The following STXBP4 variants were observed in gnomAD, a reference collection of about 807,000 sequenced individuals.
The protein encoded by STXBP4 is syntaxin binding protein 4.
Under a neutral mutation model 76.1 loss-of-function variants are expected in STXBP4, and 55 were observed. The observed-to-expected ratio is 0.72, with a 90% CI of 0.58 to 0.91. STXBP4 has a LOEUF of 0.91. Among genes scored for constraint, STXBP4 ranks in the 40% least tolerant of loss-of-function variants. The probability of loss-of-function intolerance (pLI) is 0.00; values close to 1 mark genes in which losing one functional copy is unlikely to be tolerated. For synonymous variants in STXBP4, 201 were observed against 220.2 expected (o/e 0.91, Z 0.77); for missense variants, 618 against 636.9 (o/e 0.97, Z 0.32).
intron 16 of STXBP4, among the ~76,000 whole-genome samples, chr17:55,083,096 C>T (rs1326645916): frequency 6.6e-6 from 1 of 151,884 alleles, no homozygotes. Flanking sequence ...GGTGTCTCAG[C>T]CTCTCAGGTA....
In STXBP4 at chr17:55,155,064, C is replaced by T. The variant is rs191974959; in HGVS notation, c.1548-4733C>T. Among the ~76,000 whole-genome samples the T allele has an allele frequency of 1.8e-3, 271 of 152,180 alleles. 1 individual carries two copies. Among genetic ancestry groups the T allele is most frequent in the Middle Eastern group, 0.01 (3 of 294 alleles). Reference sequence around the variant, plus strand: ...AGTGTTCTGTGATATTTACAAAGTTCACTAATGAGAAATATTTATTTTGAT... The same window carrying T: ...AGTGTTCTGTGATATTTACAAAGTTTACTAATGAGAAATATTTATTTTGAT... On this transcript the variant is annotated intron_variant, in intron 17 of 17. Transcript: ENST00000376352.
chr17:55,008,190 C>G (rs1478151909), intron 8 of STXBP4, among the ~76,000 whole-genome samples: 2 of 149,832 alleles, frequency 1.3e-5, no homozygotes, highest in Non-Finnish European at 3.0e-5. Flanking sequence ...TACCAGGGAT[C>G]TGAAGGGAAA....
intron 16 of STXBP4, among the ~76,000 whole-genome samples, chr17:55,097,074 G>T (rs962338625): frequency 6.6e-6 from 1 of 152,072 alleles, no homozygotes; most frequent in African/African-American, 2.4e-5. Flanking sequence ...GAAAATGTGA[G>T]ACCTTATCCA....
At chr17:55,051,896 A>T (rs1956192847) in intron 12 of STXBP4, among the ~76,000 whole-genome samples, 1 of 152,164 alleles carries the variant, frequency 6.6e-6, no homozygotes, top group African/African-American at 2.4e-5. Context: ...GCGTGTGTAT[A>T]TATACAGATG....
At chr17:55,134,876 C>G (rs1047034284) in intron 16 of STXBP4, among the ~76,000 whole-genome samples, 1 of 152,078 alleles carries the variant, frequency 6.6e-6, no homozygotes, top group Non-Finnish European at 1.5e-5. Context: ...TATAAATGCC[C>G]AGAAACAACT....
chr17:55,092,948 T>C (rs1211666394), intron 16 of STXBP4, among the ~76,000 whole-genome samples: 1 of 151,810 alleles, frequency 6.6e-6, no homozygotes, highest in African/African-American at 2.4e-5. Flanking sequence ...AGCATGAATT[T>C]ATTAAACAAA....
At chr17:55,082,920 A>G (rs2079274650) in intron 16 of STXBP4, among the ~76,000 whole-genome samples, 1 of 152,206 alleles carries the variant, frequency 6.6e-6, no homozygotes, top group African/African-American at 2.4e-5. Flanking sequence ...AAGAGAATCA[A>G]TGACACATTG....
At chr17:55,210,372 C>T in the STXBP4 span, among the ~76,000 whole-genome samples, 1 of 152,128 alleles carries the variant, frequency 6.6e-6, no homozygotes, top group Non-Finnish European at 1.5e-5. Context: ...CGCTCATTCC[C>T]CTTTATGGAG....
intron 3 of STXBP4, among the ~76,000 whole-genome samples, chr17:54,989,779 C>G (rs1405188704): frequency 6.6e-6 from 1 of 152,146 alleles, no homozygotes; most frequent in Middle Eastern, 3.2e-3. Flanking sequence ...ACTTGGATAT[C>G]CCTTTTGCAG....
intron 12 of STXBP4, among the ~76,000 whole-genome samples, chr17:55,055,736 C>T (rs1286656150): frequency 6.6e-6 from 1 of 152,198 alleles, no homozygotes; most frequent in Non-Finnish European, 1.5e-5. Context: ...CACTTCTCCC[C>T]TCCACCCCTT....
At chr17:55,211,525 A>G in the STXBP4 span, among the ~76,000 whole-genome samples, 2 of 152,282 alleles carry the variant, frequency 1.3e-5, no homozygotes, top group African/African-American at 4.8e-5. Context: ...CACATTATTT[A>G]TGATTCTACA....
downstream of STXBP4, among the ~76,000 whole-genome samples, chr17:55,174,014 C>G (rs2080419559): frequency 1.3e-5 from 2 of 152,184 alleles, no homozygotes; most frequent in African/African-American, 4.8e-5. Flanking sequence ...TCTGAACTTT[C>G]TTCCATTGTC....
intron 16 of STXBP4, among the ~76,000 whole-genome samples, chr17:55,096,912 T>G (rs1314486969): frequency 6.6e-6 from 1 of 152,220 alleles, no homozygotes; most frequent in Non-Finnish European, 1.5e-5. Context: ...TATTTGTATG[T>G]TTTTCTTCTC....
chr17:54,970,553 T>A (rs571733080), intron 1 of STXBP4, among the ~76,000 whole-genome samples: 11 of 152,366 alleles, frequency 7.2e-5, no homozygotes, highest in Middle Eastern at 6.8e-3. Context: ...AATTTATTCA[T>A]ATTGTGTGAT....
At chr17:55,057,106 G>A (rs1466888209) in intron 12 of STXBP4, among the ~76,000 whole-genome samples, 2 of 152,014 alleles carry the variant, frequency 1.3e-5, no homozygotes, top group Non-Finnish European at 2.9e-5. Context: ...TTTCCTTGTA[G>A]TTTGTAGTTT....
chr17:55,064,386 A>C (rs2079025183), intron 12 of STXBP4, among the ~76,000 whole-genome samples: 1 of 151,806 alleles, frequency 6.6e-6, no homozygotes, highest in South Asian at 2.1e-4. Context: ...CATATTCTTA[A>C]TCACTGTTTT....
chr17:54,989,424 C>T (rs1318679361), intron 3 of STXBP4, among the ~76,000 whole-genome samples: 1 of 152,074 alleles, frequency 6.6e-6, no homozygotes, highest in Admixed American at 6.6e-5. Context: ...ATAGTAGTTT[C>T]AGTTATTCAA....
intron 16 of STXBP4, among the ~76,000 whole-genome samples, chr17:55,097,490 C>T (rs1812714): frequency 0.24 from 36,432 of 151,912 alleles, 5,177 homozygotes; most frequent in Non-Finnish European, 0.32. Context: ...GGTGAAACCC[C>T]GTCTCTACTA....
intron 11 of STXBP4, 135 bp from the exon 12 acceptor site, chr17:55,046,954 A>G (rs1431415855): frequency 3.7e-6 from 2 of 544,204 alleles, no homozygotes; most frequent in Non-Finnish European, 6.6e-6. Context: ...AAAGCCAGAA[A>G]AATGACTAGG....
Sources: allele counts gnomAD v4.1 joint callset (sites outside exome capture counted in the v4.1 genomes callset), GRCh38; gene constraint gnomAD v4.1.1; transcripts MANE v1.5; gene names NCBI Gene and HGNC (gene_info 2026-07-23, HGNC 2026-07-21).